FSD2: variants seen among roughly 807,000 people sequenced by gnomAD.
The protein encoded by FSD2 is fibronectin type III and SPRY domain containing 2, also known as fibronectin type III and SPRY domain-containing protein 2.
FSD2 carries 71 observed loss-of-function variants against 80.4 expected under a neutral mutation model. The ratio of observed to expected loss-of-function variants is 0.88; its 90% CI spans 0.73 to 1.08. FSD2 has a LOEUF of 1.08. FSD2 is among the 50% of genes least tolerant of loss of function. The pLI, the probability that FSD2 is intolerant of heterozygous loss-of-function variation, is 0.00. For synonymous variants in FSD2, 361 were observed against 329.5 expected (o/e 1.10, Z -1.03); for missense variants, 923 against 913.8 (o/e 1.01, Z -0.13).
intron 6 of FSD2, among the ~76,000 whole-genome samples, chr15:82,773,670 C>A (rs2049642149): frequency 6.6e-6 from 1 of 152,176 alleles, no homozygotes; most frequent in African/African-American, 2.4e-5. Flanking sequence ...TCTGTGAAAT[C>A]TCTCCTTGAC....
At chr15:82,778,912 A>G in intron 5 of FSD2, 25 bp from the exon 6 acceptor site, 1 of 1,613,468 alleles carries the variant, frequency 6.2e-7, no homozygotes, top group East Asian at 2.2e-5. Context: ...AGACATGCTG[A>G]CTAGAATGGA....
chr15:82,776,833 A>G (rs751236552), intron 6 of FSD2, among the ~76,000 whole-genome samples: 1 of 152,218 alleles, frequency 6.6e-6, no homozygotes, highest in Non-Finnish European at 1.5e-5. Flanking sequence ...TTCAAAATAT[A>G]TTACAAAGCT....
rs945839620 is a variant in FSD2, at chr15:82,759,290, C to T, written c.*58G>A. The stretch of plus-strand genomic sequence containing the variant: ...AAGTGCCAGGTTCAGCCAGCTAAGG[C>T]GTGAGCAGCTGCGAGAGGGGTAGGC... On this transcript the variant is annotated 3_prime_UTR_variant, in exon 13 of 13. Transcript: ENST00000334574. 3.7e-5 allele frequency: 58 copies of T among 1,574,088 alleles called. No homozygotes were observed. The highest frequency in any genetic ancestry group is 4.7e-5 in the South Asian group (4 of 85,414).
In FSD2 at chr15:82,787,454, G is replaced by A. The variant is rs190962246; in HGVS notation, c.-64C>T. On this transcript the variant is annotated 5_prime_UTR_variant, in exon 2 of 13. Coordinates refer to ENST00000334574, the MANE Select transcript of FSD2 (RefSeq NM_001007122.4). ...AAAGATCCTTCCTGGACACTTAATAGTGAATATCTGGGCCCTGGAACACAA... is the reference window on the plus strand; with the variant it reads ...AAAGATCCTTCCTGGACACTTAATAATGAATATCTGGGCCCTGGAACACAA... 203 of 1,460,862 alleles carry A rather than the reference G, an allele frequency of 1.4e-4. 1 individual carries two copies. The Middle Eastern group carries it at 2.7e-3, about 19-fold the overall frequency. 90.5% of individuals were successfully genotyped at this position (1,460,862 alleles called of 1,614,324 possible). A position where few individuals can be genotyped will look rare whatever the true frequency, so the allele number is the denominator to read the frequency against.
chr15:82,759,247 G>T lies in FSD2; in HGVS notation c.*101C>A. On this transcript the variant is annotated 3_prime_UTR_variant, in exon 13 of 13. Transcript: ENST00000334574. The stretch of plus-strand genomic sequence containing the variant: ...GATAATAGCATGAGCCATAAATTGT[G>T]CTGGGCACATGGTGCTTAAGTGCCA... 2 of 1,261,908 alleles carry T rather than the reference G, an allele frequency of 1.6e-6. No homozygotes were observed. Among genetic ancestry groups the T allele is most frequent in the Non-Finnish European group, 2.2e-6 (2 of 922,212 alleles). The allele number at this position is 1,261,908 out of a possible 1,614,324, so 78.2% of individuals were successfully genotyped here. A position where few individuals can be genotyped will look rare whatever the true frequency, so the allele number is the denominator to read the frequency against.
Position 82,786,584 on chromosome 15 carries a change from T to TGG in FSD2, c.661_662insCC (p.Tyr221SerfsTer8). On this transcript the variant is annotated frameshift_variant, in exon 3 of 13. Coordinates refer to ENST00000334574, the MANE Select transcript of FSD2 (RefSeq NM_001007122.4). LOFTEE classifies it high-confidence loss of function. ...CTCAATTATCTGCTTTTCCAATTTGTACATGTTTTTGTGAATTTCATCCTA... is the reference window on the plus strand; with the variant it reads ...CTCAATTATCTGCTTTTCCAATTTGTGGACATGTTTTTGTGAATTTCATCCTA... The TGG allele has an allele frequency of 1.2e-6, 2 of 1,613,582 alleles. No individual in the cohort carries two copies. The highest frequency in any genetic ancestry group is 1.7e-6 in the Non-Finnish European group (2 of 1,179,644).
At chr15:82,775,397 C>CA (rs79281280) in intron 6 of FSD2, among the ~76,000 whole-genome samples, 9,399 of 138,730 alleles carry the variant, frequency 0.068, 356 homozygotes, top group East Asian at 0.14. Context: ...GACTCTGTCT[C>CA]AAAAAAAAAA....
intron 6 of FSD2, among the ~76,000 whole-genome samples, chr15:82,773,348 C>T (rs761985673): frequency 6.6e-6 from 1 of 152,178 alleles, no homozygotes; most frequent in Non-Finnish European, 1.5e-5. Context: ...AAGACAATAA[C>T]TTATATCCCC....
In FSD2 at chr15:82,783,594, T is replaced by G. The variant is rs1256600873; in HGVS notation, c.736-569A>C. ...CTCCTGGCAGCATTTTGCAATCCAG[T>G]TCCAGTTTCAACTACCTTCTATCAC... On this transcript the variant is annotated intron_variant, in intron 3 of 12. Transcript: ENST00000334574. Among the ~76,000 whole-genome samples, 4 of 152,198 alleles carry G rather than the reference T, an allele frequency of 2.6e-5. No individual in the cohort carries two copies. The East Asian group carries it at 5.8e-4, about 22-fold the overall frequency.
At chr15:82,779,839 A>G (rs896631691) in intron 5 of FSD2, among the ~76,000 whole-genome samples, 4 of 152,140 alleles carry the variant, frequency 2.6e-5, no homozygotes, top group Non-Finnish European at 5.9e-5. Context: ...AGATTTGCTC[A>G]AGGTCATGAG....
intron 1 of FSD2, among the ~76,000 whole-genome samples, chr15:82,792,336 GT>G (rs1286587048): frequency 6.6e-6 from 1 of 152,180 alleles, no homozygotes; most frequent in East Asian, 1.9e-4. Flanking sequence ...GTATCTCATT[GT>G]GGTTTTGATT....
chr15:82,759,570 T>G lies in FSD2; in HGVS notation c.2028A>C (p.Thr676=). 6.3e-7 allele frequency: 1 copy of G among 1,595,870 alleles called. No homozygotes were observed. Among genetic ancestry groups the G allele is most frequent in the Non-Finnish European group, 8.5e-7 (1 of 1,170,280 alleles). The change falls in exon 13 of 13, where the codon ACA becomes ACC. Residue 676 remains threonine, a synonymous_variant. Coordinates refer to ENST00000334574, the MANE Select transcript of FSD2 (RefSeq NM_001007122.4). ...RHKYEFLHNR[T]TPDIRITVPP... is the part of the protein sequence containing the mutation. ...GAACTGTTATTCTTATATCTGGAGTTGTTCTGTTGTGCAGAAATTCATACT... is the reference window on the plus strand; with the variant it reads ...GAACTGTTATTCTTATATCTGGAGTGGTTCTGTTGTGCAGAAATTCATACT...
intron 1 of FSD2, among the ~76,000 whole-genome samples, chr15:82,789,229 A>G (rs2050080501): frequency 6.6e-6 from 1 of 152,044 alleles, no homozygotes. Flanking sequence ...CAAAATGTTT[A>G]TGGAGAGCAA....
intron 6 of FSD2, among the ~76,000 whole-genome samples, chr15:82,777,715 C>T (rs769188613): frequency 1.3e-5 from 2 of 151,638 alleles, no homozygotes; most frequent in Non-Finnish European, 1.5e-5. Context: ...AGCGTGGTGG[C>T]GGGTGCCTGT....
In FSD2 at chr15:82,756,656, G is replaced by C. The variant is rs1354902212; in HGVS notation, c.*2692C>G. 1 of 152,198 alleles carries C rather than the reference G, an allele frequency of 6.6e-6. No homozygotes were observed. The highest frequency in any genetic ancestry group is 1.5e-5 in the Non-Finnish European group (1 of 68,044). The allele number at this position is 152,198 out of a possible 1,614,324, so 9.4% of individuals were successfully genotyped here. On this transcript the variant is annotated 3_prime_UTR_variant, in exon 13 of 13. Transcript: ENST00000334574. ...CCTTAAATCCTGAATACTGTACTCT[G>C]TATTACTAAACCCATGTTAGTTTAC...
At chr15:82,778,157 T>TATATATATATATATAA (rs558795727) in intron 6 of FSD2, among the ~76,000 whole-genome samples, 10 of 129,882 alleles carry the variant, frequency 7.7e-5, no homozygotes, top group African/African-American at 1.6e-4. Flanking sequence ...TATATATATA[T>TATATATATATATATAA]AATAACTATT....
At chr15:82,782,510 A>G (rs1306490359) in intron 4 of FSD2, among the ~76,000 whole-genome samples, 1 of 152,238 alleles carries the variant, frequency 6.6e-6, no homozygotes. Flanking sequence ...GGTGACCAGA[A>G]CAGAGGAACA....
intron 1 of FSD2, among the ~76,000 whole-genome samples, chr15:82,790,275 A>G (rs2050108942): frequency 6.6e-6 from 1 of 152,192 alleles, no homozygotes; most frequent in African/African-American, 2.4e-5. Context: ...AGCCTCACCA[A>G]GGCTTTCTTA....
At chr15:82,799,965 A>G (rs2050372100) in intron 1 of FSD2, among the ~76,000 whole-genome samples, 1 of 152,182 alleles carries the variant, frequency 6.6e-6, no homozygotes, top group Non-Finnish European at 1.5e-5. Flanking sequence ...CACTCTGGCC[A>G]TGAATGTCTG....
Sources: gnomAD v4.1 joint callset for allele counts (sites outside exome capture counted in the v4.1 genomes callset) on GRCh38, gnomAD v4.1.1 for gene constraint, MANE v1.5 for transcripts, NCBI Gene and HGNC (gene_info 2026-07-23, HGNC 2026-07-21) for gene names.